The following ITPR2 variants were observed in gnomAD, a reference collection of about 807,000 sequenced individuals.
ITPR2 encodes inositol 1,4,5-trisphosphate receptor type 2, also known as inositol 1,4,5-trisphosphate-gated calcium channel ITPR2.
ITPR2 carries 207 observed loss-of-function variants against 317.1 expected under a neutral mutation model. The ratio of observed to expected loss-of-function variants is 0.65; its 90% CI spans 0.58 to 0.73. ITPR2 has a LOEUF of 0.73. Among genes scored for constraint, ITPR2 ranks in the 30% least tolerant of loss-of-function variants. ITPR2 has a pLI of 0.00. For synonymous variants in ITPR2, 1,156 were observed against 1,149.1 expected, an observed-to-expected ratio of 1.01 and a Z score of -0.12; for missense variants, 2,613 against 3,284.0, an observed-to-expected ratio of 0.80 and a Z score of 4.99.
At chr12:26,748,642 G>C (rs1565735699) in intron 2 of ITPR2, among the ~76,000 whole-genome samples, 2 of 152,212 alleles carry the variant, frequency 1.3e-5, no homozygotes. Context: ...ATGTGAGACA[G>C]ACTTGCATTT....
At chr12:26,532,527 T>C (rs538337938) in intron 37 of ITPR2, among the ~76,000 whole-genome samples, 63 of 152,300 alleles carry the variant, frequency 4.1e-4, no homozygotes, top group Admixed American at 1.2e-3. Flanking sequence ...GCTACAGGTG[T>C]GTGCCACTAT....
intron 11 of ITPR2, among the ~76,000 whole-genome samples, chr12:26,683,983 C>A (rs1948082363): frequency 6.6e-6 from 1 of 152,068 alleles, no homozygotes; most frequent in African/African-American, 2.4e-5. Flanking sequence ...AAAAGAAAAC[C>A]AAATAAAATG....
chr12:26,428,856 T>G (rs561956331), intron 48 of ITPR2, among the ~76,000 whole-genome samples: 1 of 152,356 alleles, frequency 6.6e-6, no homozygotes, highest in East Asian at 1.9e-4. Context: ...CATGTGGTGC[T>G]GCATTTGCAG....
rs966368083 is a variant in ITPR2, at chr12:26,686,891, T to C, written c.997-259A>G. On this transcript the variant is annotated intron_variant, in intron 10 of 56. Coordinates refer to ENST00000381340, the MANE Select transcript of ITPR2 (RefSeq NM_002223.4). The stretch of plus-strand genomic sequence containing the variant: ...AAGGCACTAACGGTACCAATAGTTA[T>C]GGACCCTTCCCTCGTTCTCTTAAAC... Among the ~76,000 whole-genome samples the C allele has an allele frequency of 2.6e-5, 4 of 152,316 alleles. No individual in the cohort carries two copies. In the South Asian group the frequency reaches 6.2e-4, roughly 24 times the overall value.
At position 26,436,356 on chromosome 12, in the gene ITPR2, G is replaced by C. The variant is rs559824988; in HGVS notation, c.6644-10C>G. ...AACAGTGCAGGGTTATCTAGGAAGT[G>C]AGAAATGTAAAGGAACTGAACAGGA... On this transcript the variant is annotated splice_polypyrimidine_tract_variant and intron_variant, in intron 47 of 56. Coordinates refer to ENST00000381340, the MANE Select transcript of ITPR2 (RefSeq NM_002223.4). 1 of 1,599,956 alleles carries C rather than the reference G, an allele frequency of 6.3e-7. No homozygotes were observed. The highest frequency in any genetic ancestry group is 1.3e-5 in the African/African-American group (1 of 74,128).
At chr12:26,607,139 G>T (rs1277154342) in intron 26 of ITPR2, among the ~76,000 whole-genome samples, 2 of 152,160 alleles carry the variant, frequency 1.3e-5, no homozygotes, top group Non-Finnish European at 2.9e-5. Context: ...CCTCAGCAAA[G>T]TTGCCAAGTT....
intron 13 of ITPR2, among the ~76,000 whole-genome samples, chr12:26,666,988 T>C (rs180709713): frequency 9.8e-4 from 150 of 152,328 alleles, no homozygotes; most frequent in African/African-American, 3.5e-3. Flanking sequence ...GTATTAATGG[T>C]AAAGTACAAC....
intron 13 of ITPR2, among the ~76,000 whole-genome samples, chr12:26,670,624 A>T (rs1431009068): frequency 2.0e-5 from 3 of 152,094 alleles, no homozygotes; most frequent in Non-Finnish European, 2.9e-5. Flanking sequence ...AAAACTGGAA[A>T]CTCTAAAAAG....
chr12:26,493,813 C>T (rs1346576108), intron 39 of ITPR2, among the ~76,000 whole-genome samples: 1 of 152,178 alleles, frequency 6.6e-6, no homozygotes, highest in Non-Finnish European at 1.5e-5. Context: ...TGTCGTCAAC[C>T]CTACGGGCCA....
chr12:26,535,675 T>A (rs1167704627), intron 37 of ITPR2, among the ~76,000 whole-genome samples: 1 of 152,194 alleles, frequency 6.6e-6, no homozygotes. Flanking sequence ...TCCAATGGAA[T>A]AAATTTAGTT....
intron 2 of ITPR2, among the ~76,000 whole-genome samples, chr12:26,738,543 G>A (rs1205728304): frequency 6.6e-6 from 1 of 152,022 alleles, no homozygotes; most frequent in East Asian, 1.9e-4. Context: ...AAATTTGTTT[G>A]TTGTTCTCTT....
chr12:26,823,335 C>T (rs565611789), intron 1 of ITPR2, among the ~76,000 whole-genome samples: 2 of 152,260 alleles, frequency 1.3e-5, no homozygotes, highest in African/African-American at 4.8e-5. Flanking sequence ...CCATTCCTGA[C>T]CTTGCAACAT....
chr12:26,446,353 T>A (rs983490996), intron 45 of ITPR2, among the ~76,000 whole-genome samples: 16 of 152,120 alleles, frequency 1.1e-4, no homozygotes, highest in African/African-American at 3.6e-4. Context: ...TACGTAGTTT[T>A]GTTGGGTAAG....
At chr12:26,776,191 G>A (rs572732744) in intron 2 of ITPR2, among the ~76,000 whole-genome samples, 1 of 152,012 alleles carries the variant, frequency 6.6e-6, no homozygotes, top group South Asian at 2.1e-4. Flanking sequence ...CAAAATAAAC[G>A]CATTTGACAC....
chr12:26,715,859 G>A, intron 6 of ITPR2, 24 bp from the exon 7 acceptor site: 5 of 1,460,460 alleles, frequency 3.4e-6, no homozygotes, highest in Non-Finnish European at 4.8e-6. Flanking sequence ...AACGTTCAAA[G>A]TTATAAGACT....
intron 13 of ITPR2, among the ~76,000 whole-genome samples, chr12:26,678,490 AGGG>A (rs1291537682): frequency 6.6e-6 from 1 of 152,106 alleles, no homozygotes; most frequent in African/African-American, 2.4e-5. Context: ...CATTTTCCAT[AGGG>A]GGAAAAAAGT....
rs1947325296 is a variant in ITPR2, at chr12:26,654,190, GAA to G, written c.2590-66_2590-65del. The G allele has an allele frequency of 2.3e-6, 3 of 1,308,928 alleles. No homozygotes were observed. In the Admixed American group the frequency reaches 7.6e-5, roughly 33 times the overall value. The allele number at this position is 1,308,928 out of a possible 1,614,324, so 81.1% of individuals were successfully genotyped here. A position where few individuals can be genotyped will look rare whatever the true frequency, so the allele number is the denominator to read the frequency against. On this transcript the variant is annotated intron_variant, in intron 20 of 56. Transcript: ENST00000381340. The stretch of plus-strand genomic sequence containing the variant: ...AGAGTGGAAAAAAAAATTGGGTACT[GAA>G]ATAAACATTGGCTTTTTTATTATCT...
At chr12:26,574,320 A>C (rs1945227732) in intron 34 of ITPR2, among the ~76,000 whole-genome samples, 1 of 152,220 alleles carries the variant, frequency 6.6e-6, no homozygotes, top group South Asian at 2.1e-4. Context: ...AAATGTTTTC[A>C]ATCACTAAAG....
chr12:26,590,865 A>C (rs1359835747), intron 32 of ITPR2, among the ~76,000 whole-genome samples: 1 of 152,098 alleles, frequency 6.6e-6, no homozygotes, highest in Non-Finnish European at 1.5e-5. Context: ...AGATCACTTG[A>C]GGTCAGGAGT....
Sources: allele counts gnomAD v4.1 joint callset (sites outside exome capture counted in the v4.1 genomes callset), GRCh38; gene constraint gnomAD v4.1.1; transcripts MANE v1.5; gene names NCBI Gene and HGNC (gene_info 2026-07-23, HGNC 2026-07-21).